Variants in SMARCC1 observed in about 807,000 individuals in gnomAD.
The protein encoded by SMARCC1 is SWI/SNF complex subunit SMARCC1.
SMARCC1 carries 43 observed loss-of-function variants against 147.4 expected under a neutral mutation model. The observed-to-expected ratio is 0.29, with a 90% confidence interval of 0.23 to 0.38. The LOEUF is 0.38. Among genes scored for constraint, SMARCC1 ranks in the 10% least tolerant of loss-of-function variants. The probability of loss-of-function intolerance (pLI) is 1.00; values close to 1 mark genes in which losing one functional copy is unlikely to be tolerated. For missense variants in SMARCC1, 1,119 were observed against 1,381.1 expected, an observed-to-expected ratio of 0.81 and a Z score of 3.01; for synonymous variants, 495 against 484.4, an observed-to-expected ratio of 1.02 and a Z score of -0.29.
chr3:47,708,083 C>CTTTTTTTCTTTTTTT lies in SMARCC1; in HGVS notation c.919-1554_919-1553insAAAAAAAGAAAAAAA, dbSNP rs1559650534. ...GTAAATCTGAAGTTGAATTTTTTTT[C>CTTTTTTTCTTTTTTT]TTTTTTTTTTTTTTTTTTTTTTTTT... is the stretch of plus-strand genomic sequence containing the variant. On this transcript the variant is annotated intron_variant, in intron 9 of 27. Coordinates refer to ENST00000254480, the MANE Select transcript of SMARCC1 (RefSeq NM_003074.4). Among the ~76,000 whole-genome samples, 234 of 64,298 alleles carry CTTTTTTTCTTTTTTT rather than the reference C, an allele frequency of 3.6e-3. 1 individual carries two copies. The highest frequency in any genetic ancestry group is 7.6e-3 in the East Asian group (14 of 1,836). The allele number at this position is 64,298 out of a possible 152,430, so 42.2% of individuals were successfully genotyped here. A position where few individuals can be genotyped will look rare whatever the true frequency, so the allele number is the denominator to read the frequency against.
chr3:47,681,396 G>C (rs2033641945), intron 14 of SMARCC1, among the ~76,000 whole-genome samples: 1 of 152,138 alleles, frequency 6.6e-6, no homozygotes, highest in Admixed American at 6.5e-5. Context: ...TAATATCACA[G>C]AAGTACATTT....
intron 11 of SMARCC1, among the ~76,000 whole-genome samples, chr3:47,697,274 GC>G (rs1388600847): frequency 6.6e-6 from 1 of 151,722 alleles, no homozygotes; most frequent in Non-Finnish European, 1.5e-5. Flanking sequence ...ATGCACTCCA[GC>G]CTGGGCGAAA....
chr3:47,717,000 CAT>C (rs1404824943), intron 7 of SMARCC1, among the ~76,000 whole-genome samples: 15 of 152,112 alleles, frequency 9.9e-5, no homozygotes, highest in Non-Finnish European at 2.9e-5. Context: ...TTATGGTTCA[CAT>C]GAGACTGATT....
At chr3:47,639,667 T>C (rs1576395877) in intron 21 of SMARCC1, among the ~76,000 whole-genome samples, 1 of 152,170 alleles carries the variant, frequency 6.6e-6, no homozygotes, top group East Asian at 1.9e-4. Context: ...TGAGCCGAGA[T>C]TGCACCACTG....
intron 22 of SMARCC1, among the ~76,000 whole-genome samples, chr3:47,637,643 C>T (rs2032988791): frequency 6.6e-6 from 1 of 151,578 alleles, no homozygotes; most frequent in South Asian, 2.1e-4. Context: ...ACTCAGAAAA[C>T]GGAGGTTGCA....
At chr3:47,740,110 T>C (rs1055872934) in intron 3 of SMARCC1, among the ~76,000 whole-genome samples, 3 of 146,980 alleles carry the variant, frequency 2.0e-5, no homozygotes, top group Admixed American at 6.9e-5. Context: ...CCTCAGGTGA[T>C]CGCACACCTC....
rs1313502573 is a variant in SMARCC1 at position 47,729,089 on chromosome 3, T to C, written c.582A>G (p.Thr194=). The C allele has an allele frequency of 1.2e-6, 2 of 1,609,944 alleles. No individual in the cohort carries two copies. Among genetic ancestry groups the C allele is most frequent in the African/African-American group, 2.7e-5 (2 of 74,968 alleles). Residue 194 remains threonine (T), a synonymous_variant, in exon 6 of 28, where the codon ACA becomes ACG. Coordinates refer to ENST00000254480, the MANE Select transcript of SMARCC1 (RefSeq NM_003074.4). The stretch of plus-strand genomic sequence containing the variant: ...AAGCTTTTGACTTCTCATCCGTAAA[T>C]GTTCCCTGGAAAGCAAATGAACAAA... ...LKDIIKRHQG[T]FTDEKSKASH... is the part of the protein sequence containing the mutation.
At chr3:47,641,901 A>T (rs907919057) in intron 21 of SMARCC1, among the ~76,000 whole-genome samples, 1 of 152,142 alleles carries the variant, frequency 6.6e-6, no homozygotes, top group Admixed American at 6.6e-5. Context: ...CCTCTTGAGT[A>T]GCTGGGATTA....
intron 19 of SMARCC1, 101 bp downstream of exon 19, chr3:47,670,557 C>T: frequency 1.2e-6 from 1 of 800,500 alleles, no homozygotes; most frequent in South Asian, 1.5e-5. Context: ...GCACTCCAGC[C>T]TGGGTGACAC....
At position 47,590,672 on chromosome 3, in the gene SMARCC1, G is replaced by A; in HGVS notation, c.3209C>T (p.Pro1070Leu). Reference protein sequence around the residue: ...ILGPRVPLTAPNGMYPPPPQQ... With the variant: ...ILGPRVPLTALNGMYPPPPQQ... ...TCCATGTTACTTACACATGCCGTTAGGTGCTGTCAGGGGTACCCGGGGTCC... is the reference window on the plus strand; with the variant it reads ...TCCATGTTACTTACACATGCCGTTAAGTGCTGTCAGGGGTACCCGGGGTCC... Residue 1070 changes from proline to leucine, a missense_variant, in exon 27 of 28, where the codon CCT becomes CTT. Physicochemically the swap from Pro to Leu is moderately conservative, Grantham distance 98. Around this residue, in one of 6 missense-constraint regions of SMARCC1, gnomAD observed 186 missense variants for 216.5 expected, o/e 0.86. Coordinates refer to ENST00000254480, the MANE Select transcript of SMARCC1 (RefSeq NM_003074.4). The A allele has an allele frequency of 6.5e-7, 1 of 1,543,798 alleles. No individual in the cohort carries two copies.
chr3:47,635,185 C>G lies in SMARCC1; in HGVS notation c.2646+5G>C. On this transcript the variant is annotated splice_donor_5th_base_variant and intron_variant, in intron 24 of 27. Transcript: ENST00000254480. ...AGCACTGGAAAAGGGCTGTCAGGGG[C>G]AAACCTTGGCTTTGGTAGCCGCTGA... The G allele has an allele frequency of 6.2e-7, 1 of 1,613,312 alleles. No homozygotes were observed. The highest frequency in any genetic ancestry group is 8.5e-7 in the Non-Finnish European group (1 of 1,179,782).
chr3:47,689,713 G>T (rs1016058280), intron 12 of SMARCC1, among the ~76,000 whole-genome samples: 4 of 152,120 alleles, frequency 2.6e-5, no homozygotes, highest in African/African-American at 9.7e-5. Context: ...ACAGATACAG[G>T]ACTTGATTAC....
intron 25 of SMARCC1, among the ~76,000 whole-genome samples, chr3:47,612,226 G>T (rs1398997559): frequency 1.3e-5 from 2 of 152,196 alleles, no homozygotes; most frequent in Non-Finnish European, 2.9e-5. Flanking sequence ...AAAAGGTGGG[G>T]TGGGAAATCT....
At chr3:47,611,219 A>C (rs2032559257) in intron 25 of SMARCC1, among the ~76,000 whole-genome samples, 1 of 152,178 alleles carries the variant, frequency 6.6e-6, no homozygotes, top group Non-Finnish European at 1.5e-5. Context: ...GGGTTAATAA[A>C]CCCACTTCTT....
At chr3:47,677,046 T>C (rs917599809) in intron 16 of SMARCC1, among the ~76,000 whole-genome samples, 1 of 152,242 alleles carries the variant, frequency 6.6e-6, no homozygotes, top group East Asian at 1.9e-4. Context: ...GAATACGCAT[T>C]TAGGTCCATG....
At chr3:47,687,911 C>A (rs1261996894) in intron 13 of SMARCC1, among the ~76,000 whole-genome samples, 1 of 152,176 alleles carries the variant, frequency 6.6e-6, no homozygotes, top group Non-Finnish European at 1.5e-5. Flanking sequence ...TCATAGGTGC[C>A]AATCTCTATT....
chr3:47,699,482 G>A (rs2033892268), intron 11 of SMARCC1, among the ~76,000 whole-genome samples: 1 of 152,072 alleles, frequency 6.6e-6, no homozygotes, highest in South Asian at 2.1e-4. Flanking sequence ...CAACGCTGAT[G>A]AGTCTAGCTT....
intron 1 of SMARCC1, among the ~76,000 whole-genome samples, chr3:47,776,235 T>C (rs2034973376): frequency 6.6e-6 from 1 of 152,164 alleles, no homozygotes; most frequent in African/African-American, 2.4e-5. Context: ...TCATAATCTT[T>C]AATAAGCACA....
intron 10 of SMARCC1, among the ~76,000 whole-genome samples, chr3:47,705,345 G>GA (rs2033979461): frequency 8.7e-6 from 1 of 114,472 alleles, no homozygotes; most frequent in Non-Finnish European, 1.9e-5. Flanking sequence ...AAAAAAAAAC[G>GA]AACTATAAAA....
Sources: allele counts gnomAD v4.1 joint callset (sites outside exome capture counted in the v4.1 genomes callset), GRCh38; gene constraint gnomAD v4.1.1; regional missense constraint gnomAD v4.1.1; transcripts MANE v1.5; gene names NCBI Gene and HGNC (gene_info 2026-07-23, HGNC 2026-07-21).